Variants in CMIP observed in about 807,000 individuals in gnomAD.
CMIP encodes the protein C-Maf-inducing protein.
A neutral mutation model predicts 97.3 loss-of-function variants in CMIP; 13 were observed. That is an observed-to-expected ratio of 0.13 (90% CI 0.09 to 0.21). CMIP has a LOEUF of 0.21. Ranked by LOEUF, CMIP falls within the 10% of genes least tolerant of loss-of-function variation. The probability of loss-of-function intolerance (pLI) is 1.00; values close to 1 mark genes in which losing one functional copy is unlikely to be tolerated. For synonymous variants in CMIP, 538 were observed against 436.3 expected (o/e 1.23, Z -2.91); for missense variants, 847 against 1,024.9 (o/e 0.83, Z 2.37).
intron 1 of CMIP, among the ~76,000 whole-genome samples, chr16:81,562,984 G>C (rs959538858): frequency 6.6e-6 from 1 of 152,160 alleles, no homozygotes; most frequent in Non-Finnish European, 1.5e-5. Flanking sequence ...TTCTGCCGAG[G>C]GTTACACAGT....
At chr16:81,489,804 A>G (rs1316956251) in intron 1 of CMIP, among the ~76,000 whole-genome samples, 2 of 151,954 alleles carry the variant, frequency 1.3e-5, no homozygotes, top group African/African-American at 4.8e-5. Context: ...GCAAATGCCA[A>G]CTCTGGCAGG....
intron 15 of CMIP, among the ~76,000 whole-genome samples, chr16:81,701,101 A>G (rs1320466807): frequency 6.7e-6 from 1 of 149,458 alleles, no homozygotes; most frequent in Non-Finnish European, 1.5e-5. Flanking sequence ...CCTGGGCAAC[A>G]TAGCAAGACC....
At chr16:81,532,777 G>T (rs1326792390) in intron 1 of CMIP, among the ~76,000 whole-genome samples, 1 of 152,180 alleles carries the variant, frequency 6.6e-6, no homozygotes, top group African/African-American at 2.4e-5. Flanking sequence ...CCTGACTCCA[G>T]TGTGCCATGC....
chr16:81,548,081 A>C (rs935130942), intron 1 of CMIP, among the ~76,000 whole-genome samples: 3 of 151,274 alleles, frequency 2.0e-5, no homozygotes, highest in African/African-American at 7.3e-5. Context: ...TGTAGTATAT[A>C]CATCATGATT....
At chr16:81,615,213 GGTGTGTAT>G (rs1237699797) in intron 2 of CMIP, among the ~76,000 whole-genome samples, 4 of 150,282 alleles carry the variant, frequency 2.7e-5, no homozygotes, top group Non-Finnish European at 4.4e-5. Flanking sequence ...GTGTAACTAT[GGTGTGTAT>G]GTGTGTATGG....
chr16:81,578,700 A>G (rs1329153527), intron 1 of CMIP, among the ~76,000 whole-genome samples: 1 of 152,200 alleles, frequency 6.6e-6, no homozygotes, highest in Non-Finnish European at 1.5e-5. Context: ...CACGTGGGAG[A>G]CATCACAAAA....
chr16:81,598,741 CG>C (rs1567602271), intron 1 of CMIP, among the ~76,000 whole-genome samples: 1 of 152,060 alleles, frequency 6.6e-6, no homozygotes, highest in Non-Finnish European at 1.5e-5. Context: ...CTGATGCATG[CG>C]GATCACCTGA....
intron 10 of CMIP, among the ~76,000 whole-genome samples, chr16:81,681,115 G>A (rs1318226729): frequency 6.6e-6 from 1 of 152,200 alleles, no homozygotes; most frequent in Non-Finnish European, 1.5e-5. Context: ...TTCCCGATGG[G>A]GCTACGCAGA....
At chr16:81,667,310 T>G (rs1447058123) in intron 7 of CMIP, 2 of 152,192 alleles carry the variant, frequency 1.3e-5, no homozygotes, top group African/African-American at 2.4e-5. Flanking sequence ...CTCTGGAGAT[T>G]CAGTCCAAAT....
chr16:81,591,810 T>TTTTC lies in CMIP; in HGVS notation c.301-15737_301-15734dup, dbSNP rs536480150. 4.5e-3 allele frequency among the ~76,000 whole-genome samples: 676 copies of TTTTC among 149,810 alleles called. 2 individuals are homozygous for TTTTC. The highest frequency in any genetic ancestry group is 0.015 in the African/African-American group (584 of 40,100). On this transcript the variant is annotated intron_variant, in intron 1 of 20. Transcript: ENST00000537098. Reference sequence around the variant, plus strand: ...TTCTGCTTGTTATGCAGTTTACTGGTTTTCTTTCTTTCTTTCTTTCTTTTT... The same window carrying TTTTC: ...TTCTGCTTGTTATGCAGTTTACTGGTTTTCTTTCTTTCTTTCTTTCTTTCTTTTT...
intron 2 of CMIP, among the ~76,000 whole-genome samples, chr16:81,618,063 G>A (rs149712241): frequency 1.3e-3 from 200 of 152,334 alleles, no homozygotes; most frequent in African/African-American, 4.5e-3. Flanking sequence ...ACTCACATCC[G>A]CGTTATACCA....
At chr16:81,535,867 A>G (rs185208866) in intron 1 of CMIP, among the ~76,000 whole-genome samples, 2 of 152,192 alleles carry the variant, frequency 1.3e-5, no homozygotes, top group East Asian at 1.9e-4. Flanking sequence ...ACAAGCTCCT[A>G]GGACTCCAGG....
intron 1 of CMIP, among the ~76,000 whole-genome samples, chr16:81,591,871 C>G (rs1488238328): frequency 6.6e-6 from 1 of 151,132 alleles, no homozygotes; most frequent in Admixed American, 6.6e-5. Context: ...GTCACCTAGG[C>G]TAGAGTGTAG....
intron 10 of CMIP, among the ~76,000 whole-genome samples, chr16:81,680,251 G>A (rs1409363149): frequency 6.6e-6 from 1 of 152,226 alleles, no homozygotes; most frequent in African/African-American, 2.4e-5. Context: ...GCAGCGTTTG[G>A]TCATTCTGTC....
intron 6 of CMIP, 143 bp downstream of exon 6, chr16:81,661,089 A>C: frequency 1.0e-6 from 1 of 963,416 alleles, no homozygotes; most frequent in Non-Finnish European, 1.7e-6. Context: ...CGGAGAGGGC[A>C]TGCCCGGCAC....
At chr16:81,452,669 G>A (rs975402508) in intron 1 of CMIP, among the ~76,000 whole-genome samples, 2 of 152,044 alleles carry the variant, frequency 1.3e-5, no homozygotes, top group African/African-American at 4.8e-5. Context: ...GAGATCATCT[G>A]TGGAAATCAC....
chr16:81,567,427 T>C (rs1030941023), intron 1 of CMIP, among the ~76,000 whole-genome samples: 1 of 152,170 alleles, frequency 6.6e-6, no homozygotes, highest in Non-Finnish European at 1.5e-5. Context: ...GCCCAGGAGC[T>C]CCAAGTCAGG....
intron 3 of CMIP, among the ~76,000 whole-genome samples, chr16:81,635,475 C>T (rs1252943205): frequency 2.0e-5 from 3 of 152,166 alleles, no homozygotes; most frequent in Admixed American, 6.5e-5. Context: ...ACGAATTGAT[C>T]TGGAGTGACA....
chr16:81,574,605 C>G (rs2091156916), intron 1 of CMIP, among the ~76,000 whole-genome samples: 1 of 152,248 alleles, frequency 6.6e-6, no homozygotes, highest in Non-Finnish European at 1.5e-5. Context: ...GTAGGTGATT[C>G]TGTAAGAAAG....
Sources: allele counts gnomAD v4.1 joint callset (sites outside exome capture counted in the v4.1 genomes callset), GRCh38; gene constraint gnomAD v4.1.1; transcripts MANE v1.5; gene names NCBI Gene and HGNC (gene_info 2026-07-23, HGNC 2026-07-21).